Variants in CDC37L1 observed in about 807,000 individuals in gnomAD.
The protein encoded by CDC37L1 is hsp90 co-chaperone Cdc37-like 1.
In CDC37L1, 32 loss-of-function variants were observed where a neutral mutation model predicts 45.9. The observed-to-expected ratio is 0.70, with a 90% CI of 0.53 to 0.94. The LOEUF is 0.94. Ranked by LOEUF, CDC37L1 falls within the 40% of genes least tolerant of loss-of-function variation. The pLI is 0.00. For synonymous variants in CDC37L1, 150 were observed against 133.0 expected, an observed-to-expected ratio of 1.13 and a Z score of -0.88; for missense variants, 434 against 405.7, an observed-to-expected ratio of 1.07 and a Z score of -0.60.
At chr9:4,695,381 A>G (rs1841338372) in intron 3 of CDC37L1, among the ~76,000 whole-genome samples, 1 of 152,186 alleles carries the variant, frequency 6.6e-6, no homozygotes, top group Non-Finnish European at 1.5e-5. Context: ...AACTTCCATA[A>G]TCATTCTGTT....
At chr9:4,680,613 GTGA>G (rs3842214) in intron 1 of CDC37L1, among the ~76,000 whole-genome samples, 68,431 of 151,620 alleles carry the variant, frequency 0.45, 16,982 homozygotes, top group African/African-American at 0.65. Flanking sequence ...GTATCCAAAT[GTGA>G]TATACTATTA....
At position 4,702,031 on chromosome 9, in the gene CDC37L1, A is replaced by C; in HGVS notation, c.912+3A>C. The stretch of plus-strand genomic sequence containing the variant: ...GTTTATTAGAATCCTTACCACAGGT[A>C]AGTTGGAAAAGTAAATATTTGTTTT... On this transcript the variant is annotated splice_donor_region_variant and intron_variant, in intron 6 of 6. Coordinates refer to ENST00000381854, the MANE Select transcript of CDC37L1 (RefSeq NM_017913.4). 7.4e-7 allele frequency: 1 copy of C among 1,348,598 alleles called. No individual in the cohort carries two copies. The highest frequency in any genetic ancestry group is 9.7e-7 in the Non-Finnish European group (1 of 1,026,982). 83.5% of individuals were successfully genotyped at this position (1,348,598 alleles called of 1,614,324 possible).
chr9:4,697,251 G>C (rs771823931), intron 4 of CDC37L1, 40 bp downstream of exon 4: 1 of 891,820 alleles, frequency 1.1e-6, no homozygotes, highest in Non-Finnish European at 1.9e-6. Flanking sequence ...GAACCTTAGT[G>C]GAAATCTGAT....
intron 3 of CDC37L1, among the ~76,000 whole-genome samples, chr9:4,689,076 T>C (rs1383000694): frequency 5.3e-5 from 8 of 152,136 alleles, no homozygotes; most frequent in Non-Finnish European, 4.4e-5. Context: ...GAAAAATAGG[T>C]TTTTTCTATT....
chr9:4,687,875 T>G (rs1174862399), intron 2 of CDC37L1, among the ~76,000 whole-genome samples: 2 of 152,232 alleles, frequency 1.3e-5, no homozygotes. Flanking sequence ...AAGTAAACTA[T>G]GCATATAAAA....
At position 4,707,831 on chromosome 9, in the gene CDC37L1, T is replaced by C. The variant is rs1841459484; in HGVS notation, c.*1719T>C. The C allele has an allele frequency of 6.6e-6, 1 of 152,090 alleles. No individual in the cohort carries two copies. The highest frequency in any genetic ancestry group is 1.5e-5 in the Non-Finnish European group (1 of 68,022). The allele number at this position is 152,090 out of a possible 1,614,324, so 9.4% of individuals were successfully genotyped here. A position where few individuals can be genotyped will look rare whatever the true frequency, so the allele number is the denominator to read the frequency against. ...AGCCATATTCCTAGTTTCACAGAAA[T>C]GTTACTTGAATTATTATTTTCCCTT... On this transcript the variant is annotated 3_prime_UTR_variant, in exon 7 of 7. Coordinates refer to ENST00000381854, the MANE Select transcript of CDC37L1 (RefSeq NM_017913.4).
At position 4,689,969 on chromosome 9, in the gene CDC37L1, A is replaced by G. The variant is rs557185983; in HGVS notation, c.508+1363A>G. On this transcript the variant is annotated intron_variant, in intron 3 of 6. Coordinates refer to ENST00000381854, the MANE Select transcript of CDC37L1 (RefSeq NM_017913.4). ...GTTGGTTGCTTTGAAGCCATGAGAAACCTAGTAAATGAGAAGCAGTTCTTT... is the reference window on the plus strand; with the variant it reads ...GTTGGTTGCTTTGAAGCCATGAGAAGCCTAGTAAATGAGAAGCAGTTCTTT... Among the ~76,000 whole-genome samples, 5 of 152,350 alleles carry G rather than the reference A, an allele frequency of 3.3e-5. No homozygotes were observed. The South Asian group carries it at 1.0e-3, about 32-fold the overall frequency.
At chr9:4,696,979 A>G in intron 3 of CDC37L1, 117 bp from the exon 4 acceptor site, 1 of 600,484 alleles carries the variant, frequency 1.7e-6, no homozygotes, top group Non-Finnish European at 3.0e-6. Flanking sequence ...TTGTCTTTAA[A>G]GAGAATCATT....
chr9:4,697,083 C>CT lies in CDC37L1; in HGVS notation c.509-5dup, dbSNP rs888522205. ...AATATTTGACACTTATGGTTCAATT[C>CT]TTTTTTTTACAGGTATGTTGAGTCG... On this transcript the variant is annotated splice_polypyrimidine_tract_variant and intron_variant, in intron 3 of 6. Transcript: ENST00000381854. The CT allele has an allele frequency of 1.9e-4, 221 of 1,174,472 alleles. No homozygotes were observed. Among genetic ancestry groups the CT allele is most frequent in the Non-Finnish European group, 2.3e-4 (180 of 796,118 alleles). The allele number at this position is 1,174,472 out of a possible 1,614,324, so 72.8% of individuals were successfully genotyped here.
At chr9:4,689,028 A>T (rs1226770163) in intron 3 of CDC37L1, among the ~76,000 whole-genome samples, 1 of 152,148 alleles carries the variant, frequency 6.6e-6, no homozygotes, top group Non-Finnish European at 1.5e-5. Context: ...ACTGTTACTC[A>T]GATAAATATA....
At chr9:4,699,838 T>C (rs1458366013) in intron 5 of CDC37L1, among the ~76,000 whole-genome samples, 3 of 152,172 alleles carry the variant, frequency 2.0e-5, no homozygotes, top group African/African-American at 7.2e-5. Flanking sequence ...CTTCTGCACA[T>C]AGGATATATT....
chr9:4,687,639 A>T (rs531937603), intron 2 of CDC37L1, among the ~76,000 whole-genome samples: 1 of 138,826 alleles, frequency 7.2e-6, no homozygotes, highest in East Asian at 2.4e-4. Flanking sequence ...TGATTGTGCC[A>T]CTGTACTCCA....
intron 1 of CDC37L1, 54 bp from the exon 2 acceptor site, chr9:4,684,823 C>A (rs530791136): frequency 3.0e-6 from 4 of 1,326,092 alleles, no homozygotes; most frequent in East Asian, 2.3e-5. Context: ...TTGAACTGTG[C>A]TGCACAAACA....
In CDC37L1 at chr9:4,708,173, T is replaced by TGAC. The variant is rs1303590538; in HGVS notation, c.*2062_*2064dup. 3 of 152,328 alleles carry TGAC rather than the reference T, an allele frequency of 2.0e-5. No individual in the cohort carries two copies. Among genetic ancestry groups the TGAC allele is most frequent in the Admixed American group, 2.0e-4 (3 of 15,298 alleles). 9.4% of individuals were successfully genotyped at this position (152,328 alleles called of 1,614,324 possible). On this transcript the variant is annotated 3_prime_UTR_variant, in exon 7 of 7. Transcript: ENST00000381854. ...TACTTTAGTACTAGAAACAGTAAAT[T>TGAC]GACATCCTTGAACTAATTCCTACCT...
intron 6 of CDC37L1, chr9:4,703,356 GAAAAAA>G: frequency 1.1e-5 from 2 of 180,918 alleles, no homozygotes; most frequent in Non-Finnish European, 2.1e-5. Flanking sequence ...TACTCTGGCT[GAAAAAA>G]AAAAAAAAAA....
rs777903362 is a variant in CDC37L1 at position 4,688,552 on chromosome 9, G to A, written c.454G>A (p.Glu152Lys). ...NQDKRKDTED[E>K]DKSESFMQKY... ...AGATAAAAGAAAAGACACAGAAGAT[G>A]AAGATAAATCAGAATCATTTATGCA... The change falls in exon 3 of 7, where the codon GAA becomes AAA. Residue 152 changes from glutamate (E) to lysine (K), a missense_variant. Physicochemically the swap from Glu to Lys is moderately conservative, Grantham distance 56. Coordinates refer to ENST00000381854, the MANE Select transcript of CDC37L1 (RefSeq NM_017913.4). 1 of 1,530,236 alleles carries A rather than the reference G, an allele frequency of 6.5e-7. No individual in the cohort carries two copies. Among genetic ancestry groups the A allele is most frequent in the Admixed American group, 2.1e-5 (1 of 47,256 alleles). The allele number at this position is 1,530,236 out of a possible 1,614,324, so 94.8% of individuals were successfully genotyped here.
chr9:4,695,707 G>A (rs190848565), intron 3 of CDC37L1, among the ~76,000 whole-genome samples: 20 of 152,160 alleles, frequency 1.3e-4, no homozygotes, highest in Non-Finnish European at 2.8e-4. Context: ...ATGTTGCTGA[G>A]GTTGGCCTGC....
intron 4 of CDC37L1, among the ~76,000 whole-genome samples, chr9:4,697,506 G>A (rs538174660): frequency 2.6e-5 from 4 of 151,738 alleles, no homozygotes; most frequent in East Asian, 1.9e-4. Flanking sequence ...TTTGAAAGTC[G>A]TATTTTAAAA....
chr9:4,698,611 T>G (rs962406447), intron 5 of CDC37L1, among the ~76,000 whole-genome samples: 2 of 151,988 alleles, frequency 1.3e-5, no homozygotes, highest in Admixed American at 1.3e-4. Context: ...TTTAAAAAAT[T>G]TCCTAGTAAA....
Sources: gnomAD v4.1 joint callset for allele counts (sites outside exome capture counted in the v4.1 genomes callset) on GRCh38, gnomAD v4.1.1 for gene constraint, MANE v1.5 for transcripts, NCBI Gene and HGNC (gene_info 2026-07-23, HGNC 2026-07-21) for gene names.